The following RHOBTB2 variants were observed in gnomAD, a reference collection of about 807,000 sequenced individuals.
RHOBTB2 encodes the protein rho-related BTB domain-containing protein 2.
In RHOBTB2, 39 loss-of-function variants were observed where a neutral mutation model predicts 66.5. The observed-to-expected ratio is 0.59, with a 90% CI of 0.45 to 0.77. RHOBTB2 has a LOEUF of 0.77. Among genes scored for constraint, RHOBTB2 ranks in the 30% least tolerant of loss-of-function variants. The probability of loss-of-function intolerance (pLI) is 0.00; values close to 1 mark genes in which losing one functional copy is unlikely to be tolerated. For missense variants in RHOBTB2, 755 were observed against 999.1 expected, an observed-to-expected ratio of 0.76 and a Z score of 3.29; for synonymous variants, 390 against 395.0, an observed-to-expected ratio of 0.99 and a Z score of 0.15.
chr8:22,999,303 A>AG (rs1810679152), upstream of RHOBTB2: 1 of 159,774 alleles, frequency 6.3e-6, no homozygotes, highest in Non-Finnish European at 1.4e-5. Flanking sequence ...CCCGAAGGAA[A>AG]GGGGAAAACC....
At chr8:22,973,900 A>G in the RHOBTB2 span, among the ~76,000 whole-genome samples, 2 of 152,134 alleles carry the variant, frequency 1.3e-5, no homozygotes, top group Non-Finnish European at 2.9e-5. Flanking sequence ...ATCTCAGCCC[A>G]TCAACCTCAC....
intron 6 of RHOBTB2, among the ~76,000 whole-genome samples, chr8:23,010,150 C>T (rs1204338395): frequency 6.6e-6 from 1 of 152,048 alleles, no homozygotes; most frequent in Non-Finnish European, 1.5e-5. Context: ...TATCTGGGTC[C>T]CTTTGGAAGA....
the RHOBTB2 span, among the ~76,000 whole-genome samples, chr8:22,963,092 T>A: frequency 3.9e-5 from 6 of 152,288 alleles, no homozygotes; most frequent in Non-Finnish European, 8.8e-5. Flanking sequence ...GCTGGGCACA[T>A]CTGCTTCAGC....
intron 7 of RHOBTB2, 53 bp from the exon 8 acceptor site, chr8:23,014,637 G>A: frequency 6.7e-7 from 1 of 1,493,904 alleles, no homozygotes; most frequent in East Asian, 2.3e-5. Flanking sequence ...GTGGGGCAGG[G>A]TGAGCACAGG....
chr8:23,006,436 A>C lies in RHOBTB2; in HGVS notation c.482+291A>C. The C allele has an allele frequency of 5.3e-6, 3 of 560,858 alleles. No homozygotes were observed. In the South Asian group the frequency reaches 7.4e-5, roughly 14 times the overall value. 34.7% of individuals were successfully genotyped at this position (560,858 alleles called of 1,614,324 possible). A position where few individuals can be genotyped will look rare whatever the true frequency, so the allele number is the denominator to read the frequency against. On this transcript the variant is annotated intron_variant, in intron 4 of 9. Transcript: ENST00000251822. This position sits in a 1 kb window ranked among gnomAD's most constrained non-coding sequence, Gnocchi z 6.1. ...TGAGGGATAAACTAAATATGTGAGC[A>C]TGTTAAATACCCATGTGAAGCATTG...
chr8:23,012,032 G>A (rs1811163970), intron 7 of RHOBTB2, among the ~76,000 whole-genome samples: 1 of 152,176 alleles, frequency 6.6e-6, no homozygotes. Flanking sequence ...CCCCAGAAGG[G>A]GATAAAGGGA....
At chr8:22,979,742 C>CTTTTTTTTTTTTTTTTTTTTT in the RHOBTB2 span, among the ~76,000 whole-genome samples, 4 of 84,094 alleles carry the variant, frequency 4.8e-5, no homozygotes, top group African/African-American at 9.2e-5. Context: ...TCTTTTCTTT[C>CTTTTTTTTTTTTTTTTTTTTT]TTTTTTTTTT....
At chr8:22,986,848 G>A (rs770526414), upstream of RHOBTB2, among the ~76,000 whole-genome samples, 5 of 152,282 alleles carry the variant, frequency 3.3e-5, no homozygotes, top group East Asian at 1.9e-4. Flanking sequence ...CATGTCTCCC[G>A]GCTGGCCAGC....
upstream of RHOBTB2, chr8:22,995,696 C>A (rs28593300): frequency 3.3e-3 from 2,281 of 693,870 alleles, 40 homozygotes; most frequent in African/African-American, 0.035. Context: ...TGGGGCTCTG[C>A]ATCTTGAAAT....
intron 8 of RHOBTB2, among the ~76,000 whole-genome samples, chr8:23,015,310 G>A (rs189683234): frequency 2.2e-4 from 34 of 152,286 alleles, no homozygotes; most frequent in Non-Finnish European, 3.4e-4. Flanking sequence ...CAGATGTGGA[G>A]GAGAGAGAAG....
chr8:22,954,304 C>A, the RHOBTB2 span, among the ~76,000 whole-genome samples: 1 of 152,164 alleles, frequency 6.6e-6, no homozygotes, highest in African/African-American at 2.4e-5. Flanking sequence ...CTCCACCAGA[C>A]AGGTTTTTTT....
chr8:22,991,709 G>C (rs1016341557), intron 1 of RHOBTB2, among the ~76,000 whole-genome samples: 1 of 152,320 alleles, frequency 6.6e-6, no homozygotes, highest in Non-Finnish European at 1.5e-5. Flanking sequence ...TGTGTACCAA[G>C]AAGGCAGAGG....
chr8:22,995,926 G>T (rs1381928342), upstream of RHOBTB2: 1 of 1,540,292 alleles, frequency 6.5e-7, no homozygotes, highest in Admixed American at 2.0e-5. Context: ...TGCCTGTGAA[G>T]CAAAGGGAAG....
chr8:23,016,950 G>C (rs907379466), intron 9 of RHOBTB2, among the ~76,000 whole-genome samples: 1 of 152,042 alleles, frequency 6.6e-6, no homozygotes, highest in Admixed American at 6.6e-5. Context: ...GCTGACATTC[G>C]CTTACCCCTT....
At chr8:22,995,468 G>A (rs964355292), upstream of RHOBTB2, among the ~76,000 whole-genome samples, 1 of 152,232 alleles carries the variant, frequency 6.6e-6, no homozygotes, top group African/African-American at 2.4e-5. Flanking sequence ...ATTCATGGAA[G>A]GCTTGCTGGA....
rs1449103864 is a variant in RHOBTB2, at chr8:23,005,953, C to T, written c.297-7C>T. On this transcript the variant is annotated splice_region_variant and splice_polypyrimidine_tract_variant and intron_variant, in intron 3 of 9. Coordinates refer to ENST00000251822, the MANE Select transcript of RHOBTB2 (RefSeq NM_015178.3). ...CTCTGCCCGTAACCTTACTTTCCCA[C>T]CCGCAGATCTGATGTGGTGGTTCTG... 1 of 1,605,596 alleles carries T rather than the reference C, an allele frequency of 6.2e-7. No homozygotes were observed. Among genetic ancestry groups the T allele is most frequent in the Non-Finnish European group, 8.5e-7 (1 of 1,173,132 alleles).
intron 9 of RHOBTB2, 42 bp downstream of exon 9, chr8:23,015,785 C>T: frequency 7.3e-7 from 1 of 1,370,016 alleles, no homozygotes; most frequent in Non-Finnish European, 1.0e-6. Context: ...GCTGCCCTCC[C>T]CTTAGGGGTG....
At chr8:22,977,888 TG>T in the RHOBTB2 span, 1 of 152,252 alleles carries the variant, frequency 6.6e-6, no homozygotes, top group Middle Eastern at 3.4e-3. Context: ...CCAGGCATGG[TG>T]GCTCAGGCAT....
chr8:22,999,577 C>A lies in RHOBTB2; in HGVS notation c.-539C>A, dbSNP rs927927768. 2.5e-6 allele frequency: 3 copies of A among 1,216,864 alleles called. No individual in the cohort carries two copies. The highest frequency in any genetic ancestry group is 1.7e-5 in the African/African-American group (1 of 59,564). 75.4% of individuals were successfully genotyped at this position (1,216,864 alleles called of 1,614,324 possible). A position where few individuals can be genotyped will look rare whatever the true frequency, so the allele number is the denominator to read the frequency against. Reference sequence around the variant, plus strand: ...CCCGTCACGGCTGTCGTCTTGGGTGCGATTTTTTTCTCCTCCTTTTTTTAC... The same window carrying A: ...CCCGTCACGGCTGTCGTCTTGGGTGAGATTTTTTTCTCCTCCTTTTTTTAC... On this transcript the variant is annotated 5_prime_UTR_variant, in exon 1 of 10. Coordinates refer to ENST00000251822, the MANE Select transcript of RHOBTB2 (RefSeq NM_015178.3).
Sources: gnomAD v4.1 joint callset for allele counts (sites outside exome capture counted in the v4.1 genomes callset) on GRCh38, gnomAD v4.1.1 for gene constraint, Gnocchi (gnomAD v3.1) non-coding constraint, MANE v1.5 for transcripts, NCBI Gene and HGNC (gene_info 2026-07-23, HGNC 2026-07-21) for gene names.